Variants in CDH12 observed in about 807,000 individuals in gnomAD.
The protein encoded by CDH12 is cadherin-12.
Under a neutral mutation model 74.1 loss-of-function variants are expected in CDH12, and 41 were observed. That is an observed-to-expected ratio of 0.55 (90% confidence interval 0.43 to 0.72). CDH12 has a LOEUF of 0.72. CDH12 is among the 30% of genes least tolerant of loss of function. The probability of loss-of-function intolerance (pLI) is 0.00; values close to 1 mark genes in which losing one functional copy is unlikely to be tolerated. For synonymous variants in CDH12, 399 were observed against 355.0 expected (o/e 1.12, Z -1.39); for missense variants, 945 against 977.2 (o/e 0.97, Z 0.44).
rs879581762 is a variant in CDH12, at chr5:21,804,693, CAT to C, written c.1003-2275_1003-2274del. Among the ~76,000 whole-genome samples the C allele has an allele frequency of 2.6e-3, 353 of 137,682 alleles. 3 individuals are homozygous for C. The highest frequency in any genetic ancestry group is 7.9e-3 in the African/African-American group (280 of 35,360). The allele number at this position is 137,682 out of a possible 152,430, so 90.3% of individuals were successfully genotyped here. ...ACACACACACACACACACACACACA[CAT>C]AGATGTTTTACGTGGTGGCAAGGCT... On this transcript the variant is annotated intron_variant, in intron 9 of 14. Coordinates refer to ENST00000382254, the MANE Select transcript of CDH12 (RefSeq NM_004061.5).
chr5:22,823,668 G>A (rs543421876), intron 1 of CDH12, among the ~76,000 whole-genome samples: 1 of 152,202 alleles, frequency 6.6e-6, no homozygotes, highest in African/African-American at 2.4e-5. Flanking sequence ...AAAGGGACCT[G>A]GCAGGAGGTG....
intron 10 of CDH12, among the ~76,000 whole-genome samples, chr5:21,784,548 T>C (rs1746095547): frequency 6.6e-6 from 1 of 152,144 alleles, no homozygotes; most frequent in African/African-American, 2.4e-5. Context: ...TCTTACCAAT[T>C]TTAAATATAA....
chr5:21,892,004 A>G (rs148900864), intron 6 of CDH12, among the ~76,000 whole-genome samples: 8 of 152,280 alleles, frequency 5.3e-5, no homozygotes, highest in African/African-American at 1.7e-4. Context: ...TGAGAATTTT[A>G]GCTGATCATG....
chr5:21,945,443 A>T (rs1434776135), intron 6 of CDH12, among the ~76,000 whole-genome samples: 2 of 144,876 alleles, frequency 1.4e-5, no homozygotes, highest in Non-Finnish European at 3.0e-5. Context: ...AAAAAAAAAA[A>T]AAAAAAAAAA....
At chr5:22,710,863 G>GAT (rs1456712939) in intron 1 of CDH12, among the ~76,000 whole-genome samples, 3 of 152,022 alleles carry the variant, frequency 2.0e-5, no homozygotes, top group African/African-American at 7.2e-5. Flanking sequence ...ATAGATTCGT[G>GAT]ATGACCTTAT....
chr5:22,033,264 C>A (rs114718928), intron 5 of CDH12, among the ~76,000 whole-genome samples: 2,723 of 152,220 alleles, frequency 0.018, 41 homozygotes, highest in African/African-American at 0.04. Flanking sequence ...AAGAACAAAC[C>A]AAGCAAGGTT....
At chr5:22,246,038 AG>A (rs1752933472) in intron 3 of CDH12, among the ~76,000 whole-genome samples, 1 of 152,172 alleles carries the variant, frequency 6.6e-6, no homozygotes, top group African/African-American at 2.4e-5. Context: ...TTGAACTAGA[AG>A]GTTTATCCTG....
At chr5:22,667,239 C>T (rs1043145569) in intron 1 of CDH12, among the ~76,000 whole-genome samples, 1 of 152,128 alleles carries the variant, frequency 6.6e-6, no homozygotes, top group African/African-American at 2.4e-5. Context: ...GTTATAACCA[C>T]CTAATTATTT....
chr5:22,669,075 G>T (rs1740772526), intron 1 of CDH12, among the ~76,000 whole-genome samples: 1 of 151,886 alleles, frequency 6.6e-6, no homozygotes, highest in East Asian at 1.9e-4. Context: ...TTTTCCTCTG[G>T]CTGATGAAAA....
rs763184658 is a variant in CDH12, at chr5:21,765,092, A to C, written c.1401T>G (p.Pro467=). 5.1e-6 allele frequency: 8 copies of C among 1,578,300 alleles called. No individual in the cohort carries two copies. Among genetic ancestry groups the C allele is most frequent in the Non-Finnish European group, 6.9e-6 (8 of 1,165,252 alleles). Residue 467 remains proline (P), a synonymous_variant, in exon 12 of 15, where the codon CCT becomes CCG. Coordinates refer to ENST00000382254, the MANE Select transcript of CDH12 (RefSeq NM_004061.5). ...GTATATTGACTTTGCTGGTCAATAA[A>C]GGGTTACCTGTTAAAAACATATAAA... ...FSIIASKVSN[P]LLTSKVNILI... is the part of the protein sequence containing the mutation.
At chr5:22,132,403 G>A (rs1446759385) in intron 4 of CDH12, among the ~76,000 whole-genome samples, 1 of 151,994 alleles carries the variant, frequency 6.6e-6, no homozygotes, top group Non-Finnish European at 1.5e-5. Flanking sequence ...TACATTATTT[G>A]TCTTTTTCCA....
chr5:22,444,223 T>C (rs527787939), intron 2 of CDH12, among the ~76,000 whole-genome samples: 1 of 152,202 alleles, frequency 6.6e-6, no homozygotes, highest in East Asian at 1.9e-4. Context: ...TTCTGGGTAG[T>C]CGTTTGCTGT....
chr5:21,834,634 CG>C (rs1463472647), intron 8 of CDH12, among the ~76,000 whole-genome samples: 1 of 151,852 alleles, frequency 6.6e-6, no homozygotes, highest in Non-Finnish European at 1.5e-5. Context: ...ACTTTAGAAA[CG>C]AACGTATATT....
Position 21,751,557 on chromosome 5 carries a change from A to G in CDH12, c.*180T>C, listed in dbSNP as rs76232614. 9.1e-4 allele frequency: 542 copies of G among 593,802 alleles called. 2 individuals are homozygous for G. In the African/African-American group the frequency reaches 9.2e-3, roughly 10 times the overall value. 36.8% of individuals were successfully genotyped at this position (593,802 alleles called of 1,614,324 possible). A position where few individuals can be genotyped will look rare whatever the true frequency, so the allele number is the denominator to read the frequency against. Reference sequence around the variant, plus strand: ...AGAATAAACCAAAACTGACAATATGATTAATTTAGTAACTTACTAGAAACC... The same window carrying G: ...AGAATAAACCAAAACTGACAATATGGTTAATTTAGTAACTTACTAGAAACC... On this transcript the variant is annotated 3_prime_UTR_variant, in exon 15 of 15. Coordinates refer to ENST00000382254, the MANE Select transcript of CDH12 (RefSeq NM_004061.5).
intron 1 of CDH12, among the ~76,000 whole-genome samples, chr5:22,519,260 T>A (rs1004926594): frequency 2.0e-5 from 3 of 152,116 alleles, no homozygotes; most frequent in Non-Finnish European, 4.4e-5. Context: ...TATGTTTTTT[T>A]AAAAGTATCT....
intron 8 of CDH12, among the ~76,000 whole-genome samples, chr5:21,833,409 G>A (rs1749330605): frequency 1.1e-5 from 1 of 87,080 alleles, no homozygotes; most frequent in Non-Finnish European, 2.1e-5. Flanking sequence ...AATATATTAT[G>A]TAATATACAT....
At chr5:22,567,285 T>A (rs1003027096) in intron 1 of CDH12, among the ~76,000 whole-genome samples, 1 of 152,176 alleles carries the variant, frequency 6.6e-6, no homozygotes, top group Non-Finnish European at 1.5e-5. Flanking sequence ...GAGGTACCAC[T>A]TAATGCAAGT....
chr5:21,782,438 C>T (rs1279963819), intron 11 of CDH12, among the ~76,000 whole-genome samples: 2 of 152,160 alleles, frequency 1.3e-5, no homozygotes, highest in African/African-American at 4.8e-5. Context: ...TTGATGTTTA[C>T]ATTCCCACTG....
At chr5:22,836,610 C>T (rs2126512822) in intron 1 of CDH12, among the ~76,000 whole-genome samples, 1 of 152,124 alleles carries the variant, frequency 6.6e-6, no homozygotes, top group Admixed American at 6.6e-5. Flanking sequence ...TATTGAAATG[C>T]CTCTTTTCCA....
Sources: allele counts gnomAD v4.1 joint callset (sites outside exome capture counted in the v4.1 genomes callset), GRCh38; gene constraint gnomAD v4.1.1; transcripts MANE v1.5; gene names NCBI Gene and HGNC (gene_info 2026-07-23, HGNC 2026-07-21).